The following ATP8A2 variants were observed in gnomAD, a reference collection of about 807,000 sequenced individuals.
ATP8A2 encodes ATPase phospholipid transporting 8A2.
In ATP8A2, 100 loss-of-function variants were observed where a neutral mutation model predicts 165.6. The observed-to-expected ratio is 0.60, with a 90% CI of 0.51 to 0.71. ATP8A2 has a LOEUF of 0.71. ATP8A2 is among the 30% of genes least tolerant of loss of function. The pLI, the probability that ATP8A2 is intolerant of heterozygous loss-of-function variation, is 0.00. For synonymous variants in ATP8A2, 543 were observed against 548.8 expected, an observed-to-expected ratio of 0.99 and a Z score of 0.15; for missense variants, 1,227 against 1,479.5, an observed-to-expected ratio of 0.83 and a Z score of 2.80.
chr13:25,395,403 G>A (rs759840257), intron 1 of ATP8A2, among the ~76,000 whole-genome samples: 9 of 151,894 alleles, frequency 5.9e-5, no homozygotes, highest in Admixed American at 3.3e-4. Flanking sequence ...CTTTCCCTTC[G>A]CCCTCTGAAA....
intron 6 of ATP8A2, among the ~76,000 whole-genome samples, chr13:25,534,857 G>A (rs981836273): frequency 1.3e-5 from 2 of 152,182 alleles, no homozygotes; most frequent in Non-Finnish European, 2.9e-5. Context: ...CCACTCCCAG[G>A]CTATCTGATT....
intron 24 of ATP8A2, among the ~76,000 whole-genome samples, chr13:25,657,107 G>A (rs992132399): frequency 5.4e-5 from 8 of 149,040 alleles, no homozygotes; most frequent in African/African-American, 9.9e-5. Flanking sequence ...TCATTAATTC[G>A]GGATATATAT....
At chr13:25,874,487 A>G (rs1172270969) in intron 33 of ATP8A2, among the ~76,000 whole-genome samples, 3 of 152,220 alleles carry the variant, frequency 2.0e-5, no homozygotes, top group Non-Finnish European at 2.9e-5. Flanking sequence ...CTAAAACTCT[A>G]CATACTAATG....
intron 33 of ATP8A2, among the ~76,000 whole-genome samples, chr13:25,885,147 T>G (rs1953105721): frequency 6.9e-6 from 1 of 145,646 alleles, no homozygotes; most frequent in East Asian, 2.1e-4. Flanking sequence ...AGTCTTGCTC[T>G]TGTCACCCAG....
At chr13:25,564,253 A>G (rs2039247423) in intron 16 of ATP8A2, among the ~76,000 whole-genome samples, 1 of 152,228 alleles carries the variant, frequency 6.6e-6, no homozygotes, top group Admixed American at 6.5e-5. Context: ...AAAGTAGCAC[A>G]CCAAGATCAA....
At chr13:25,808,704 G>A (rs1950796364) in intron 27 of ATP8A2, among the ~76,000 whole-genome samples, 1 of 151,858 alleles carries the variant, frequency 6.6e-6, no homozygotes, top group South Asian at 2.1e-4. Flanking sequence ...CAAAGTGCTG[G>A]TATTACAGGC....
At chr13:25,696,440 A>G (rs571984763) in intron 24 of ATP8A2, among the ~76,000 whole-genome samples, 1 of 152,314 alleles carries the variant, frequency 6.6e-6, no homozygotes, top group South Asian at 2.1e-4. Flanking sequence ...CTTTTAATAG[A>G]CGGCTGTTTC....
intron 1 of ATP8A2, among the ~76,000 whole-genome samples, chr13:25,403,634 G>A (rs1195987234): frequency 6.6e-6 from 1 of 152,176 alleles, no homozygotes; most frequent in Non-Finnish European, 1.5e-5. Context: ...GAGATTAGGT[G>A]GTTGCCTCTA....
At chr13:25,861,131 TAC>T (rs1046603363) in intron 32 of ATP8A2, among the ~76,000 whole-genome samples, 22 of 152,322 alleles carry the variant, frequency 1.4e-4, no homozygotes, top group Admixed American at 9.8e-4. Flanking sequence ...AACCATATTA[TAC>T]ACACACATAT....
chr13:25,641,498 A>G (rs1339444007), intron 24 of ATP8A2, among the ~76,000 whole-genome samples: 2 of 152,238 alleles, frequency 1.3e-5, no homozygotes, highest in Non-Finnish European at 2.9e-5. Flanking sequence ...GTGAACTCCC[A>G]TTCACAATTG....
intron 33 of ATP8A2, among the ~76,000 whole-genome samples, chr13:25,960,250 G>A (rs567125476): frequency 1.3e-5 from 2 of 152,308 alleles, no homozygotes; most frequent in East Asian, 1.9e-4. Context: ...GCATTTGGCC[G>A]TCCAGCTGGA....
At chr13:25,841,463 T>C (rs1228877087) in intron 30 of ATP8A2, among the ~76,000 whole-genome samples, 1 of 152,230 alleles carries the variant, frequency 6.6e-6, no homozygotes, top group Non-Finnish European at 1.5e-5. Flanking sequence ...TGAGTGAAAC[T>C]GTGTAAAGTG....
intron 33 of ATP8A2, among the ~76,000 whole-genome samples, chr13:25,959,150 G>A (rs1247811782): frequency 1.3e-5 from 2 of 152,230 alleles, no homozygotes; most frequent in African/African-American, 4.8e-5. Context: ...CCTGCAGGCA[G>A]GACAACAGGA....
intron 24 of ATP8A2, among the ~76,000 whole-genome samples, chr13:25,640,142 G>A (rs1328920083): frequency 5.9e-5 from 9 of 152,138 alleles, no homozygotes; most frequent in Admixed American, 1.3e-4. Context: ...ATGCCCACAA[G>A]AGAAAGCAGG....
At chr13:25,883,795 T>C (rs1171396510) in intron 33 of ATP8A2, among the ~76,000 whole-genome samples, 1 of 152,128 alleles carries the variant, frequency 6.6e-6, no homozygotes, top group East Asian at 1.9e-4. Flanking sequence ...CTGCACTGCC[T>C]GAAGCATGTG....
At chr13:25,427,528 G>T (rs1395164920) in intron 1 of ATP8A2, among the ~76,000 whole-genome samples, 1 of 151,904 alleles carries the variant, frequency 6.6e-6, no homozygotes, top group Non-Finnish European at 1.5e-5. Context: ...GTGGTCCCTG[G>T]TGCCAAAAAG....
At chr13:25,573,122 T>A (rs1008130127) in intron 18 of ATP8A2, among the ~76,000 whole-genome samples, 1 of 152,196 alleles carries the variant, frequency 6.6e-6, no homozygotes, top group Admixed American at 6.5e-5. Flanking sequence ...GAAGCTTTTT[T>A]AAAAATGAGG....
intron 16 of ATP8A2, among the ~76,000 whole-genome samples, chr13:25,567,920 A>C (rs1019100734): frequency 6.6e-6 from 1 of 152,218 alleles, no homozygotes; most frequent in Admixed American, 6.5e-5. Context: ...CATTTTGCCA[A>C]AATGTGTCTG....
intron 27 of ATP8A2, among the ~76,000 whole-genome samples, chr13:25,784,633 A>G (rs1447893623): frequency 6.6e-6 from 1 of 152,162 alleles, no homozygotes; most frequent in Non-Finnish European, 1.5e-5. Flanking sequence ...TTTAGAATGT[A>G]AGAGAAGATT....
Sources: allele counts gnomAD v4.1 joint callset (sites outside exome capture counted in the v4.1 genomes callset), GRCh38; gene constraint gnomAD v4.1.1; transcripts MANE v1.5; gene names NCBI Gene and HGNC (gene_info 2026-07-23, HGNC 2026-07-21).